The following ZNF106 variants were observed in gnomAD, a reference collection of about 807,000 sequenced individuals.
ZNF106 encodes the protein zinc finger protein 106.
In ZNF106, 67 loss-of-function variants were observed where a neutral mutation model predicts 195.1. The observed-to-expected ratio is 0.34, with a 90% confidence interval of 0.28 to 0.42. The LOEUF is 0.42. Among genes scored for constraint, ZNF106 ranks in the 10% least tolerant of loss-of-function variants. ZNF106 has a pLI of 1.00. For synonymous variants in ZNF106, 784 were observed against 818.6 expected (o/e 0.96, Z 0.72); for missense variants, 2,118 against 2,304.5 (o/e 0.92, Z 1.66).
chr15:42,446,101 C>T (rs1346460974), intron 7 of ZNF106, among the ~76,000 whole-genome samples: 3 of 152,192 alleles, frequency 2.0e-5, no homozygotes, highest in African/African-American at 7.2e-5. Flanking sequence ...CTAACCTTGG[C>T]TTACAAGTCT....
chr15:42,424,996 G>A lies in ZNF106; in HGVS notation c.5028C>T (p.Cys1676=). The A allele has an allele frequency of 6.2e-7, 1 of 1,614,162 alleles. No individual in the cohort carries two copies. The highest frequency in any genetic ancestry group is 8.5e-7 in the Non-Finnish European group (1 of 1,180,034). ...GACAGCTGACTGCCCGAGGGCCATG[G>A]CATTCAAAGATCTCAAGTCGTTTGT... is the stretch of plus-strand genomic sequence containing the variant. ...KNNKRLEIFE[C]HGPRAVSCLA... is the part of the protein sequence containing the mutation. Residue 1676 remains cysteine, a synonymous_variant, in exon 16 of 22, where the codon TGC becomes TGT. Transcript: ENST00000564754.
intron 19 of ZNF106, 102 bp from the exon 20 acceptor site, chr15:42,421,234 C>CA: frequency 9.6e-7 from 1 of 1,044,184 alleles, no homozygotes; most frequent in Non-Finnish European, 1.5e-6. Flanking sequence ...TACAAGAAAA[C>CA]AAACACCTAA....
Position 42,446,569 on chromosome 15 carries a change from C to A in ZNF106, c.3205+20G>T. On this transcript the variant is annotated intron_variant, in intron 7 of 21. Coordinates refer to ENST00000564754, the MANE Select transcript of ZNF106 (RefSeq NM_001366845.3). ...CCAAAAAACACCAACTTCTTTCTTC[C>A]AAAATATTCTGCACCATACCTTTTT... 1 of 1,573,474 alleles carries A rather than the reference C, an allele frequency of 6.4e-7. No individual in the cohort carries two copies.
Position 42,414,753 on chromosome 15 carries a change from A to G in ZNF106, c.*2551T>C, listed in dbSNP as rs1391881145. 4.6e-5 allele frequency: 7 copies of G among 152,272 alleles called. No individual in the cohort carries two copies. The highest frequency in any genetic ancestry group is 7.2e-5 in the African/African-American group (3 of 41,464). The allele number at this position is 152,272 out of a possible 1,614,324, so 9.4% of individuals were successfully genotyped here. On this transcript the variant is annotated 3_prime_UTR_variant, in exon 22 of 22. Transcript: ENST00000564754. ...ACGCCGCAGAGCATTCGAGGCTCTC[A>G]GCACACTGCCAGCCAGCGTGAAAAT...
intron 3 of ZNF106, among the ~76,000 whole-genome samples, chr15:42,458,712 A>T (rs1316507304): frequency 1.3e-5 from 2 of 151,852 alleles, no homozygotes; most frequent in Non-Finnish European, 2.9e-5. Context: ...CATCTCAAAA[A>T]AACAAAAGAA....
At chr15:42,467,154 A>G (rs1387190186) in intron 2 of ZNF106, among the ~76,000 whole-genome samples, 1 of 152,160 alleles carries the variant, frequency 6.6e-6, no homozygotes, top group Admixed American at 6.6e-5. Flanking sequence ...AAGAAAAAAC[A>G]TGCACACATG....
Position 42,450,299 on chromosome 15 carries a change from G to C in ZNF106, c.1973C>G (p.Ser658Cys). Reference sequence around the variant, plus strand: ...ACATGGGGAAGTGGATAGCTCTCTAGAAGTCTTCAGGATGCGGTCATCCTC... The same window carrying C: ...ACATGGGGAAGTGGATAGCTCTCTACAAGTCTTCAGGATGCGGTCATCCTC... ...KEEDDRILKTSRELSTSPCNP... is the reference protein window; with the variant it reads ...KEEDDRILKTCRELSTSPCNP... Residue 658 changes from serine (S) to cysteine (C), a missense_variant, in exon 5 of 22, where the codon TCT (serine) becomes TGT (cysteine). Transcript: ENST00000564754. 6.2e-7 allele frequency: 1 copy of C among 1,614,142 alleles called. No homozygotes were observed. The highest frequency in any genetic ancestry group is 1.6e-4 in the Middle Eastern group (1 of 6,062).
chr15:42,414,499 T>C lies in ZNF106; in HGVS notation c.*2805A>G, dbSNP rs2054377802. 1 of 152,170 alleles carries C rather than the reference T, an allele frequency of 6.6e-6. No homozygotes were observed. Among genetic ancestry groups the C allele is most frequent in the Admixed American group, 6.5e-5 (1 of 15,280 alleles). 9.4% of individuals were successfully genotyped at this position (152,170 alleles called of 1,614,324 possible). A position where few individuals can be genotyped will look rare whatever the true frequency, so the allele number is the denominator to read the frequency against. On this transcript the variant is annotated 3_prime_UTR_variant, in exon 22 of 22. Transcript: ENST00000564754. ...TATGACAAACACAGGTTCCCACACG[T>C]ACACATACATACAAAGGAACCTGCA...
chr15:42,489,129 A>AACT (rs2057081729), intron 1 of ZNF106, among the ~76,000 whole-genome samples: 3 of 149,928 alleles, frequency 2.0e-5, no homozygotes, highest in Admixed American at 6.7e-5. Context: ...ATAGGTTCTG[A>AACT]ACTAGCCTGA....
chr15:42,461,985 C>G (rs1270651531), intron 3 of ZNF106, among the ~76,000 whole-genome samples: 1 of 152,078 alleles, frequency 6.6e-6, no homozygotes, highest in South Asian at 2.1e-4. Context: ...ACCTGTTTGT[C>G]TTCTCTCTTA....
intron 14 of ZNF106, among the ~76,000 whole-genome samples, chr15:42,433,791 T>G (rs1190433064): frequency 6.6e-6 from 1 of 152,208 alleles, no homozygotes; most frequent in African/African-American, 2.4e-5. Flanking sequence ...CCAAACCATC[T>G]GCATCAGTAT....
Position 42,417,142 on chromosome 15 carries a change from A to G in ZNF106, c.*162T>C. The G allele has an allele frequency of 3.1e-6, 2 of 638,696 alleles. No individual in the cohort carries two copies. Among genetic ancestry groups the G allele is most frequent in the South Asian group, 4.1e-5 (2 of 48,294 alleles). The allele number at this position is 638,696 out of a possible 1,614,324, so 39.6% of individuals were successfully genotyped here. A position where few individuals can be genotyped will look rare whatever the true frequency, so the allele number is the denominator to read the frequency against. On this transcript the variant is annotated 3_prime_UTR_variant, in exon 22 of 22. Coordinates refer to ENST00000564754, the MANE Select transcript of ZNF106 (RefSeq NM_001366845.3). The stretch of plus-strand genomic sequence containing the variant: ...CAGCAAGAACTTAAAAGTGTAATTT[A>G]TCATCCCATAGAGCTGCCCAGACTT...
At chr15:42,489,778 G>T (rs1191713155) in intron 1 of ZNF106, among the ~76,000 whole-genome samples, 1 of 151,304 alleles carries the variant, frequency 6.6e-6, no homozygotes, top group African/African-American at 2.4e-5. Context: ...GCTCAAGCCT[G>T]TAATCCCAGC....
In ZNF106 at chr15:42,417,172, TA is replaced by T; in HGVS notation, c.*131del. On this transcript the variant is annotated 3_prime_UTR_variant, in exon 22 of 22. Transcript: ENST00000564754. ...CCCATAGAGCTGCCCAGACTTATGC[TA>T]GGGGTATGCCTGGCTAGTAACCACT... The T allele has an allele frequency of 1.2e-6, 1 of 863,966 alleles. No individual in the cohort carries two copies. Among genetic ancestry groups the T allele is most frequent in the Non-Finnish European group, 1.8e-6 (1 of 543,044 alleles). 53.5% of individuals were successfully genotyped at this position (863,966 alleles called of 1,614,324 possible).
In ZNF106 at chr15:42,450,380, C is replaced by G. The variant is rs2055956813; in HGVS notation, c.1892G>C (p.Gly631Ala). 1.2e-6 allele frequency: 2 copies of G among 1,614,166 alleles called. No individual in the cohort carries two copies. Among genetic ancestry groups the G allele is most frequent in the East Asian group, 4.5e-5 (2 of 44,884 alleles). The change falls in exon 5 of 22, where the codon GGT (glycine) becomes GCT (alanine). Residue 631 changes from glycine (G) to alanine (A), a missense_variant. Transcript: ENST00000564754. ...EKHGTKIGTL[G>A]SATTELLSGS... ...AGATAACAATTCTGTAGTTGCAGAA[C>G]CTAGGGTTCCAATTTTTGTTCCATG...
chr15:42,431,624 C>T (rs148950236), intron 14 of ZNF106, among the ~76,000 whole-genome samples: 406 of 151,806 alleles, frequency 2.7e-3, no homozygotes, highest in South Asian at 4.0e-3. Flanking sequence ...TTTTTTCAGA[C>T]GCACCACACC....
chr15:42,437,535 C>T (rs2055328872), intron 12 of ZNF106, among the ~76,000 whole-genome samples, 158 bp from the exon 13 acceptor site: 1 of 152,100 alleles, frequency 6.6e-6, no homozygotes, highest in South Asian at 2.1e-4. Flanking sequence ...TTTTCAATAC[C>T]CATCTTCACT....
intron 15 of ZNF106, chr15:42,425,389 C>A (rs145946263): frequency 1.6e-5 from 3 of 183,878 alleles, no homozygotes; most frequent in East Asian, 2.9e-4. Context: ...TTCCCTGACA[C>A]CGACCCAGGA....
intron 3 of ZNF106, 48 bp from the exon 4 acceptor site, chr15:42,457,206 G>A: frequency 6.2e-7 from 1 of 1,613,838 alleles, no homozygotes; most frequent in Non-Finnish European, 8.5e-7. Flanking sequence ...CCACTGGCAT[G>A]GCACACTCAC....
Sources: gnomAD v4.1 joint callset for allele counts (sites outside exome capture counted in the v4.1 genomes callset) on GRCh38, gnomAD v4.1.1 for gene constraint, MANE v1.5 for transcripts, NCBI Gene and HGNC (gene_info 2026-07-23, HGNC 2026-07-21) for gene names.